The following CASP10 variants were observed in gnomAD, a reference collection of about 807,000 sequenced individuals.
The protein encoded by CASP10 is caspase 10.
A neutral mutation model predicts 48.5 loss-of-function variants in CASP10; 41 were observed. That is an observed-to-expected ratio of 0.85 (90% CI 0.66 to 1.10). CASP10 has a LOEUF of 1.10. Ranked by LOEUF, CASP10 falls within the 50% of genes least tolerant of loss-of-function variation. CASP10 has a pLI of 0.00. For missense variants in CASP10, 614 were observed against 614.5 expected (o/e 1.00, Z 0.01); for synonymous variants, 232 against 238.4 (o/e 0.97, Z 0.25).
At chr2:201,196,065 TAAATGGTCTC>T (rs1944786487) in intron 5 of CASP10, 117 bp downstream of exon 5, 1 of 715,730 alleles carries the variant, frequency 1.4e-6, no homozygotes, top group East Asian at 2.5e-5. Flanking sequence ...CCATTTATTG[TAAATGGTCTC>T]ACCATGGTGA....
chr2:201,203,620 T>C, intron 5 of CASP10, 110 bp from the exon 6 acceptor site: 1 of 1,009,790 alleles, frequency 9.9e-7, no homozygotes. Flanking sequence ...TGACCTTTTC[T>C]GTGGCTGTGG....
At chr2:201,211,464 A>T (rs41529647) in intron 9 of CASP10, among the ~76,000 whole-genome samples, 7,234 of 152,296 alleles carry the variant, frequency 0.047, 212 homozygotes, top group Middle Eastern at 0.092. Context: ...TTAAACAAAG[A>T]TTCCACATGA....
At chr2:201,197,313 C>T (rs1944835379) in intron 5 of CASP10, among the ~76,000 whole-genome samples, 1 of 151,984 alleles carries the variant, frequency 6.6e-6, no homozygotes, top group Non-Finnish European at 1.5e-5. Flanking sequence ...ACCATAGGCT[C>T]ATTGATATAA....
chr2:201,206,170 A>G lies in CASP10; in HGVS notation c.813+197A>G, dbSNP rs182514229. 4.4e-3 allele frequency: 2,208 copies of G among 500,066 alleles called. 10 individuals carry two copies. Among genetic ancestry groups the G allele is most frequent in the Non-Finnish European group, 6.3e-3 (1,747 of 278,574 alleles). 31.0% of individuals were successfully genotyped at this position (500,066 alleles called of 1,614,324 possible). Reference sequence around the variant, plus strand: ...GTTCTTCCCACCTTTTTCTGTATCAATCAGAAGTGACTGATCCCTTTGACT... The same window carrying G: ...GTTCTTCCCACCTTTTTCTGTATCAGTCAGAAGTGACTGATCCCTTTGACT... On this transcript the variant is annotated intron_variant, in intron 7 of 9. Coordinates refer to ENST00000286186, the MANE Select transcript of CASP10 (RefSeq NM_032977.4).
intron 6 of CASP10, among the ~76,000 whole-genome samples, chr2:201,204,427 C>T (rs1034880982): frequency 2.1e-4 from 32 of 152,022 alleles, no homozygotes; most frequent in African/African-American, 7.5e-4. Flanking sequence ...TTGCCTAACA[C>T]GGAGGTTGTG....
intron 9 of CASP10, among the ~76,000 whole-genome samples, chr2:201,227,323 A>G (rs771360509): frequency 2.0e-5 from 3 of 152,232 alleles, no homozygotes; most frequent in Non-Finnish European, 2.9e-5. Flanking sequence ...TGTTTTTCCA[A>G]TCTAGTAACT....
At chr2:201,215,219 T>C (rs1347232843) in intron 9 of CASP10, among the ~76,000 whole-genome samples, 1 of 145,582 alleles carries the variant, frequency 6.9e-6, no homozygotes, top group Non-Finnish European at 1.5e-5. Flanking sequence ...CGGTTTTTTT[T>C]TTTTTTTTTT....
At chr2:201,185,723 T>C in intron 1 of CASP10, 48 bp from the exon 2 acceptor site, 1 of 1,237,384 alleles carries the variant, frequency 8.1e-7, no homozygotes. Context: ...CAGGGGGCCA[T>C]ATGTCCTCAC....
intron 9 of CASP10, among the ~76,000 whole-genome samples, chr2:201,227,794 T>G (rs1945807783): frequency 6.6e-6 from 1 of 151,222 alleles, no homozygotes; most frequent in Non-Finnish European, 1.5e-5. Context: ...CTCCTGACCT[T>G]GTGATCCGCC....
In CASP10 at chr2:201,189,177, T is replaced by C. The variant is rs190366763; in HGVS notation, c.441+1378T>C. ...GTGAGCCACCATACCCGGCCACATATTAGAATTGTATCATTTCGTTTTCCC... is the reference window on the plus strand; with the variant it reads ...GTGAGCCACCATACCCGGCCACATACTAGAATTGTATCATTTCGTTTTCCC... On this transcript the variant is annotated intron_variant, in intron 3 of 9. Coordinates refer to ENST00000286186, the MANE Select transcript of CASP10 (RefSeq NM_032977.4). Among the ~76,000 whole-genome samples, 633 of 152,252 alleles carry C rather than the reference T, an allele frequency of 4.2e-3. 3 individuals carry two copies. Among genetic ancestry groups the C allele is most frequent in the African/African-American group, 0.014 (590 of 41,550 alleles).
At chr2:201,227,237 C>T (rs1419534093) in intron 9 of CASP10, among the ~76,000 whole-genome samples, 2 of 152,070 alleles carry the variant, frequency 1.3e-5, no homozygotes, top group Admixed American at 1.3e-4. Context: ...AATTTAGCCA[C>T]CAGATTGGGT....
intron 6 of CASP10, among the ~76,000 whole-genome samples, chr2:201,205,249 G>A (rs1945161920): frequency 6.9e-6 from 1 of 144,900 alleles, no homozygotes; most frequent in African/African-American, 2.5e-5. Context: ...TTTTGAGACA[G>A]GGCCTCACTC....
intron 5 of CASP10, among the ~76,000 whole-genome samples, chr2:201,198,698 G>A (rs910331682): frequency 2.6e-5 from 4 of 151,462 alleles, no homozygotes; most frequent in Non-Finnish European, 5.9e-5. Context: ...CCGCCACCAC[G>A]CCTGGCTAAT....
chr2:201,199,749 A>G (rs1205517175), intron 5 of CASP10, among the ~76,000 whole-genome samples: 1 of 151,586 alleles, frequency 6.6e-6, no homozygotes, highest in Non-Finnish European at 1.5e-5. Context: ...TAATTTTTGT[A>G]TTTTTAGTAG....
chr2:201,191,647 A>G (rs1944615127), intron 3 of CASP10, among the ~76,000 whole-genome samples: 2 of 152,112 alleles, frequency 1.3e-5, no homozygotes, highest in Admixed American at 1.3e-4. Flanking sequence ...GGGCCTGAAC[A>G]CCCCTCAGCC....
intron 9 of CASP10, among the ~76,000 whole-genome samples, chr2:201,211,141 C>T (rs543097334): frequency 6.6e-6 from 1 of 152,254 alleles, no homozygotes; most frequent in East Asian, 1.9e-4. Context: ...CAACACCTTA[C>T]TGATTGATCG....
rs1233007817 is a variant in CASP10 at position 201,209,207 on chromosome 2, T to C, written c.1060T>C (p.Cys354Arg). ...TGCCGACGGGGACTGCTTCGTGTTC[T>C]GTATTCTGACCCATGGGAGATTTGG... ...AHADGDCFVF[C>R]ILTHGRFGAV... The change falls in exon 9 of 10, where the codon TGT becomes CGT. Residue 354 changes from cysteine (C) to arginine (R), a missense_variant. Physicochemically the swap from Cys to Arg is radical, Grantham distance 180. Transcript: ENST00000286186. 1.6e-5 allele frequency: 26 copies of C among 1,613,774 alleles called. No homozygotes were observed. In the East Asian group the frequency reaches 5.8e-4, roughly 36 times the overall value.
At chr2:201,205,793 A>C (rs1478827270) in intron 6 of CASP10, 89 bp from the exon 7 acceptor site, 8 of 828,984 alleles carry the variant, frequency 9.7e-6, no homozygotes, top group African/African-American at 6.6e-5. Flanking sequence ...AGAGAAGCAT[A>C]ATTCTCCAGA....
At chr2:201,189,171 C>A (rs1252754835) in intron 3 of CASP10, among the ~76,000 whole-genome samples, 4 of 152,112 alleles carry the variant, frequency 2.6e-5, no homozygotes, top group African/African-American at 9.7e-5. Context: ...CATACCCGGC[C>A]ACATATTAGA....
Sources: gnomAD v4.1 joint callset for allele counts (sites outside exome capture counted in the v4.1 genomes callset) on GRCh38, gnomAD v4.1.1 for gene constraint, MANE v1.5 for transcripts, NCBI Gene and HGNC (gene_info 2026-07-23, HGNC 2026-07-21) for gene names.